The following TYW1 variants were observed in gnomAD, a reference collection of about 807,000 sequenced individuals.
TYW1 encodes the protein S-adenosyl-L-methionine-dependent tRNA 4-demethylwyosine synthase TYW1.
TYW1 carries 46 observed loss-of-function variants against 96.2 expected under a neutral mutation model. The observed-to-expected ratio is 0.48, with a 90% CI of 0.38 to 0.61. The LOEUF (loss-of-function observed/expected upper bound fraction) is 0.61. TYW1 is among the 20% of genes least tolerant of loss of function. TYW1 has a pLI of 0.00. For missense variants in TYW1, 684 were observed against 909.6 expected (o/e 0.75, Z 3.19); for synonymous variants, 274 against 323.0 (o/e 0.85, Z 1.63).
At chr7:67,192,546 G>A (rs968316482) in intron 14 of TYW1, among the ~76,000 whole-genome samples, 1 of 152,170 alleles carries the variant, frequency 6.6e-6, no homozygotes, top group Non-Finnish European at 1.5e-5. Flanking sequence ...TTGAGGTAGA[G>A]TACACTTTTA....
chr7:67,001,865 T>G (rs1179426350), intron 3 of TYW1, among the ~76,000 whole-genome samples: 7 of 151,716 alleles, frequency 4.6e-5, no homozygotes, highest in Non-Finnish European at 1.5e-5. Flanking sequence ...AAACCCCATT[T>G]CTACTAAAAA....
At chr7:67,121,073 T>C (rs1191730315) in intron 13 of TYW1, among the ~76,000 whole-genome samples, 4 of 152,248 alleles carry the variant, frequency 2.6e-5, no homozygotes, top group Non-Finnish European at 5.9e-5. Context: ...TGTGGCAGGA[T>C]GCTGCTCTTA....
intron 13 of TYW1, among the ~76,000 whole-genome samples, chr7:67,143,463 G>A (rs1429772724): frequency 6.6e-6 from 1 of 152,150 alleles, no homozygotes; most frequent in Non-Finnish European, 1.5e-5. Flanking sequence ...TAGGGAGTTA[G>A]AAGTAAGCTT....
chr7:67,181,865 T>A (rs973008789), intron 13 of TYW1, among the ~76,000 whole-genome samples: 6 of 152,130 alleles, frequency 3.9e-5, no homozygotes, highest in Admixed American at 2.0e-4. Flanking sequence ...TTTGAGACAG[T>A]CTTGCTCTGT....
intron 10 of TYW1, among the ~76,000 whole-genome samples, chr7:67,076,171 T>C (rs1232548857): frequency 2.6e-5 from 4 of 152,206 alleles, no homozygotes; most frequent in Admixed American, 6.5e-5. Flanking sequence ...GCTAGCCAAT[T>C]GGGACAAATA....
chr7:67,152,827 C>G (rs1489085561), intron 13 of TYW1, among the ~76,000 whole-genome samples: 1 of 152,196 alleles, frequency 6.6e-6, no homozygotes, highest in Admixed American at 6.5e-5. Context: ...TCTTGAACTC[C>G]TGACCTCTGG....
At chr7:67,087,592 A>AT (rs112753759) in intron 11 of TYW1, among the ~76,000 whole-genome samples, 26,774 of 150,690 alleles carry the variant, frequency 0.18, 2,752 homozygotes, top group African/African-American at 0.28. Flanking sequence ...CCTACAACGG[A>AT]TTTTTTTTTT....
At chr7:67,094,648 TAG>T (rs1406392319) in intron 11 of TYW1, among the ~76,000 whole-genome samples, 2 of 96,030 alleles carry the variant, frequency 2.1e-5, no homozygotes, top group South Asian at 4.2e-4. Context: ...GAGAGAGAAT[TAG>T]AGTGTGTGTG....
chr7:67,097,870 T>A (rs1036515859), intron 11 of TYW1, among the ~76,000 whole-genome samples: 1 of 151,872 alleles, frequency 6.6e-6, no homozygotes, highest in African/African-American at 2.4e-5. Context: ...TTTTTTTTTT[T>A]TTTAATTTTT....
chr7:67,079,171 G>T (rs6951442), intron 10 of TYW1, among the ~76,000 whole-genome samples: 436 of 148,914 alleles, frequency 2.9e-3, no homozygotes, highest in African/African-American at 7.3e-3. Flanking sequence ...TCGTGTGAGA[G>T]GTGTGTGTGT....
chr7:67,238,835 T>A lies in TYW1; in HGVS notation c.*306T>A. On this transcript the variant is annotated 3_prime_UTR_variant, in exon 16 of 16. Transcript: ENST00000359626. Reference sequence around the variant, plus strand: ...TCTGATGGTTTTGTATTATAACTTGTAAGACCTGCCAGAATGCTAGTCCCG... The same window carrying A: ...TCTGATGGTTTTGTATTATAACTTGAAAGACCTGCCAGAATGCTAGTCCCG... 1 of 1,167,588 alleles carries A rather than the reference T, an allele frequency of 8.6e-7. No individual in the cohort carries two copies. Among genetic ancestry groups the A allele is most frequent in the Non-Finnish European group, 1.1e-6 (1 of 941,372 alleles). The allele number at this position is 1,167,588 out of a possible 1,614,324, so 72.3% of individuals were successfully genotyped here. A position where few individuals can be genotyped will look rare whatever the true frequency, so the allele number is the denominator to read the frequency against.
chr7:67,225,150 C>T lies in TYW1; in HGVS notation c.1978-13158C>T, dbSNP rs946027528. ...AGGTTGCAGTGAGCCGAGATTGCACCACTGTACTCCAGCCTGGATGACAGA... is the reference window on the plus strand; with the variant it reads ...AGGTTGCAGTGAGCCGAGATTGCACTACTGTACTCCAGCCTGGATGACAGA... On this transcript the variant is annotated intron_variant, in intron 15 of 15. Transcript: ENST00000359626. 4.1e-5 allele frequency among the ~76,000 whole-genome samples: 6 copies of T among 144,822 alleles called. No individual in the cohort carries two copies. In the South Asian group the frequency reaches 1.3e-3, roughly 31 times the overall value.
intron 11 of TYW1, among the ~76,000 whole-genome samples, chr7:67,095,084 C>T (rs145247801): frequency 2.3e-3 from 351 of 151,858 alleles, no homozygotes; most frequent in African/African-American, 7.5e-3. Flanking sequence ...CTGCAACCTC[C>T]GCCTCCCGGG....
At position 66,998,191 on chromosome 7, in the gene TYW1, C is replaced by T. The variant is rs147995512; in HGVS notation, c.131C>T (p.Thr44Met). Residue 44 changes from threonine to methionine, a missense_variant, in exon 2 of 16, where the codon ACG becomes ATG. Transcript: ENST00000359626. The part of the protein sequence containing the change: ...LWICVQIVIK[T>M]QGKNLQEKSV... Reference sequence around the variant, plus strand: ...ATTTGTGTCCAGATTGTCATCAAGACGCAGGTAAGTGGAGTTATTTTTTTT... The same window carrying T: ...ATTTGTGTCCAGATTGTCATCAAGATGCAGGTAAGTGGAGTTATTTTTTTT... 9.2e-5 allele frequency: 147 copies of T among 1,601,036 alleles called. No homozygotes were observed. The African/African-American group carries it at 1.2e-3, about 13-fold the overall frequency.
chr7:67,020,632 T>G (rs1794219682), intron 6 of TYW1, among the ~76,000 whole-genome samples: 1 of 152,290 alleles, frequency 6.6e-6, no homozygotes, highest in Non-Finnish European at 1.5e-5. Flanking sequence ...CGTTGCTTAG[T>G]GTGACCTTAG....
At chr7:67,009,972 T>C (rs1330071662) in intron 4 of TYW1, among the ~76,000 whole-genome samples, 1 of 150,802 alleles carries the variant, frequency 6.6e-6, no homozygotes, top group Admixed American at 6.6e-5. Flanking sequence ...CCCACAATTT[T>C]CTTTTTTCTT....
At chr7:67,042,055 A>G (rs887231896) in intron 7 of TYW1, among the ~76,000 whole-genome samples, 3 of 147,218 alleles carry the variant, frequency 2.0e-5, no homozygotes, top group African/African-American at 7.4e-5. Context: ...ATATAATTAT[A>G]TTAGAATTAT....
At chr7:67,026,696 ATT>A (rs961673660) in intron 7 of TYW1, among the ~76,000 whole-genome samples, 3 of 145,006 alleles carry the variant, frequency 2.1e-5, no homozygotes, top group Non-Finnish European at 3.0e-5. Flanking sequence ...AGGTCTGCCT[ATT>A]TTTTTTTTTT....
intron 7 of TYW1, among the ~76,000 whole-genome samples, chr7:67,031,213 C>CAAAAA (rs1794664471): frequency 7.4e-6 from 1 of 135,840 alleles, no homozygotes; most frequent in Non-Finnish European, 1.6e-5. Context: ...AAAAAAAAAT[C>CAAAAA]AGTCTGTGTG....
Sources: gnomAD v4.1 joint callset for allele counts (sites outside exome capture counted in the v4.1 genomes callset) on GRCh38, gnomAD v4.1.1 for gene constraint, MANE v1.5 for transcripts, NCBI Gene and HGNC (gene_info 2026-07-23, HGNC 2026-07-21) for gene names.